BTBD9: variants seen among roughly 807,000 people sequenced by gnomAD.
The protein encoded by BTBD9 is BTB domain containing 9.
Under a neutral mutation model 64.3 loss-of-function variants are expected in BTBD9, and 49 were observed. The observed-to-expected ratio is 0.76, with a 90% CI of 0.61 to 0.97. The LOEUF is 0.97. Ranked by LOEUF, BTBD9 falls within the 50% of genes least tolerant of loss-of-function variation. The pLI is 0.00. For synonymous variants in BTBD9, 260 were observed against 274.7 expected, an observed-to-expected ratio of 0.95 and a Z score of 0.53; for missense variants, 598 against 762.1, an observed-to-expected ratio of 0.78 and a Z score of 2.53.
At chr6:38,438,068 T>C (rs956926972) in intron 6 of BTBD9, among the ~76,000 whole-genome samples, 3 of 151,908 alleles carry the variant, frequency 2.0e-5, no homozygotes, top group Admixed American at 2.0e-4. Flanking sequence ...CGAGGATATT[T>C]TCACTCACAT....
rs75183469 is a variant in BTBD9, at chr6:38,375,749, T to C, written c.1155-30656A>G. On this transcript the variant is annotated intron_variant, in intron 6 of 10. Transcript: ENST00000481247. ...GAAGGATAAACACACAAACACTGCATACTGTGCAACATTAATTCTTTTAAA... is the reference window on the plus strand; with the variant it reads ...GAAGGATAAACACACAAACACTGCACACTGTGCAACATTAATTCTTTTAAA... 3.6e-3 allele frequency among the ~76,000 whole-genome samples: 553 copies of C among 152,276 alleles called. 9 individuals are homozygous for C. Among genetic ancestry groups the C allele is most frequent in the Admixed American group, 0.022 (337 of 15,266 alleles).
At chr6:38,365,122 A>T (rs988760496) in intron 6 of BTBD9, among the ~76,000 whole-genome samples, 4 of 152,088 alleles carry the variant, frequency 2.6e-5, no homozygotes, top group Admixed American at 2.0e-4. Flanking sequence ...GTTTTAAAAA[A>T]GTAATTAACA....
intron 6 of BTBD9, among the ~76,000 whole-genome samples, chr6:38,563,821 GC>G (rs1351663139): frequency 3.6e-5 from 4 of 112,292 alleles, no homozygotes; most frequent in Non-Finnish European, 6.7e-5. Flanking sequence ...CTGCTCTGTT[GC>G]CCAGGCCGGA....
intron 6 of BTBD9, among the ~76,000 whole-genome samples, chr6:38,360,744 G>T (rs1480724051): frequency 6.6e-6 from 1 of 152,046 alleles, no homozygotes; most frequent in Non-Finnish European, 1.5e-5. Flanking sequence ...TAGGACTGGA[G>T]TCTACACTCA....
intron 9 of BTBD9, among the ~76,000 whole-genome samples, chr6:38,196,656 G>GC (rs1325559983): frequency 4.6e-5 from 7 of 152,226 alleles, no homozygotes; most frequent in Non-Finnish European, 2.9e-5. Context: ...AAGATGTAGT[G>GC]CCCCTTCCTT....
In BTBD9 at chr6:38,586,835, GGT is replaced by G. The variant is rs1776553903; in HGVS notation, c.814+5739_814+5740del. Among the ~76,000 whole-genome samples the G allele has an allele frequency of 2.6e-5, 4 of 152,256 alleles. No homozygotes were observed. The South Asian group carries it at 8.3e-4, about 32-fold the overall frequency. On this transcript the variant is annotated intron_variant, in intron 4 of 10. Transcript: ENST00000481247. ...CCCAACACTTTGGGAGGCTGAGGCA[GGT>G]GGATCACCTGAGGTCAGGAGTTCAA...
intron 1 of BTBD9, among the ~76,000 whole-genome samples, chr6:38,624,025 A>G (rs1311832593): frequency 6.6e-6 from 1 of 152,110 alleles, no homozygotes; most frequent in Non-Finnish European, 1.5e-5. Flanking sequence ...TGTCCTGTTT[A>G]GAGGGGGGAT....
intron 7 of BTBD9, among the ~76,000 whole-genome samples, chr6:38,316,152 C>T (rs1008257376): frequency 5.3e-5 from 8 of 152,132 alleles, no homozygotes; most frequent in African/African-American, 1.9e-4. Context: ...TTTCCACTGG[C>T]ATGGAATGTC....
chr6:38,347,823 C>T (rs1219558452), intron 6 of BTBD9, among the ~76,000 whole-genome samples: 2 of 152,084 alleles, frequency 1.3e-5, no homozygotes, highest in South Asian at 2.1e-4. Flanking sequence ...ACGGTGAAAC[C>T]CCATCTCTAC....
In BTBD9 at chr6:38,577,642, C is replaced by A; in HGVS notation, c.1112G>T (p.Cys371Phe). Residue 371 changes from cysteine to phenylalanine, a missense_variant, in exon 6 of 11, where the codon TGT (cysteine) becomes TTT (phenylalanine). Coordinates refer to ENST00000481247, the MANE Select transcript of BTBD9 (RefSeq NM_001099272.2). Reference sequence around the variant, plus strand: ...AAAATATAATTTCTGCCAAGAACGACACAGATATTGTGAATGATCTATCAC... The same window carrying A: ...AAAATATAATTTCTGCCAAGAACGAAACAGATATTGTGAATGATCTATCAC... ...VRVIDHSQYLCRSWQKLYFPA... is the reference protein window; with the variant it reads ...VRVIDHSQYLFRSWQKLYFPA... 6.2e-7 allele frequency: 1 copy of A among 1,610,686 alleles called. No individual in the cohort carries two copies. The highest frequency in any genetic ancestry group is 1.3e-5 in the African/African-American group (1 of 74,972).
chr6:38,636,552 A>T (rs1466039146), intron 1 of BTBD9, among the ~76,000 whole-genome samples: 2 of 152,104 alleles, frequency 1.3e-5, no homozygotes, highest in Admixed American at 6.6e-5. Context: ...ACTCTCCCTT[A>T]CCTCTAGCTG....
intron 9 of BTBD9, among the ~76,000 whole-genome samples, chr6:38,239,207 C>T (rs538815869): frequency 7.9e-5 from 12 of 152,030 alleles, no homozygotes; most frequent in Middle Eastern, 3.4e-3. Flanking sequence ...TTTGGGAGGC[C>T]GAGGTGGACA....
chr6:38,212,806 G>A (rs1244437340), intron 9 of BTBD9, among the ~76,000 whole-genome samples: 2 of 106,398 alleles, frequency 1.9e-5, no homozygotes, highest in South Asian at 2.6e-4. Context: ...CCAAGGAGAC[G>A]GCCTCCTCCT....
intron 10 of BTBD9, among the ~76,000 whole-genome samples, chr6:38,188,205 A>G (rs1004997739): frequency 6.6e-6 from 1 of 152,174 alleles, no homozygotes; most frequent in African/African-American, 2.4e-5. Flanking sequence ...GGCAGTTTCC[A>G]TGGTCCCTGT....
intron 6 of BTBD9, chr6:38,481,933 G>A (rs1361773440): frequency 1.3e-5 from 2 of 152,176 alleles, no homozygotes; most frequent in Non-Finnish European, 2.9e-5. Flanking sequence ...TTAGTTTCAG[G>A]GAACACACTG....
chr6:38,302,767 G>A (rs903542808), intron 7 of BTBD9, among the ~76,000 whole-genome samples: 7 of 151,818 alleles, frequency 4.6e-5, no homozygotes, highest in Non-Finnish European at 8.8e-5. Context: ...CACCAACAGT[G>A]TATAAGAGTT....
At position 38,638,190 on chromosome 6, in the gene BTBD9, A is replaced by AT. The variant is rs370303607; in HGVS notation, c.-28+1609dup. Among the ~76,000 whole-genome samples the AT allele has an allele frequency of 3.9e-3, 586 of 151,934 alleles. 3 individuals are homozygous for AT. Among genetic ancestry groups the AT allele is most frequent in the African/African-American group, 0.013 (538 of 41,410 alleles). Reference sequence around the variant, plus strand: ...CAGCCTACACATCCTATCTTTTCTGATTTTCTACCACATTTATAGTCCTCA... The same window carrying AT: ...CAGCCTACACATCCTATCTTTTCTGATTTTTCTACCACATTTATAGTCCTCA... On this transcript the variant is annotated intron_variant, in intron 1 of 10. Coordinates refer to ENST00000481247, the MANE Select transcript of BTBD9 (RefSeq NM_001099272.2).
At chr6:38,568,886 C>T (rs1276416671) in intron 6 of BTBD9, among the ~76,000 whole-genome samples, 2 of 152,024 alleles carry the variant, frequency 1.3e-5, no homozygotes, top group Non-Finnish European at 2.9e-5. Context: ...GTTTTAAAAG[C>T]GACAGCTTTA....
At chr6:38,315,085 T>C (rs780722439) in intron 7 of BTBD9, among the ~76,000 whole-genome samples, 12 of 152,090 alleles carry the variant, frequency 7.9e-5, no homozygotes, top group Non-Finnish European at 1.8e-4. Context: ...TCTGACCTCA[T>C]GATCCGCCTG....
Sources: gnomAD v4.1 joint callset for allele counts (sites outside exome capture counted in the v4.1 genomes callset) on GRCh38, gnomAD v4.1.1 for gene constraint, MANE v1.5 for transcripts, NCBI Gene and HGNC (gene_info 2026-07-23, HGNC 2026-07-21) for gene names.